Variants in COG5 observed in about 807,000 individuals in gnomAD.
COG5 encodes the protein component of oligomeric golgi complex 5.
Under a neutral mutation model 110.4 loss-of-function variants are expected in COG5, and 86 were observed. The observed-to-expected ratio is 0.78, with a 90% CI of 0.65 to 0.93. The LOEUF is 0.93. COG5 is among the 40% of genes least tolerant of loss of function. The pLI, the probability that COG5 is intolerant of heterozygous loss-of-function variation, is 0.00. For synonymous variants in COG5, 360 were observed against 334.6 expected (o/e 1.08, Z -0.83); for missense variants, 1,077 against 987.0 (o/e 1.09, Z -1.22).
At chr7:107,348,946 C>G (rs1277529701) in intron 10 of COG5, among the ~76,000 whole-genome samples, 1 of 151,920 alleles carries the variant, frequency 6.6e-6, no homozygotes, top group Non-Finnish European at 1.5e-5. Flanking sequence ...ACTGCAGACT[C>G]GAACTCCTGG....
rs753791185 is a variant in COG5 at position 107,230,668 on chromosome 7, GA to G, written c.2114del (p.Phe705SerfsTer8). The G allele has an allele frequency of 6.2e-7, 1 of 1,612,834 alleles. No individual in the cohort carries two copies. Among genetic ancestry groups the G allele is most frequent in the Non-Finnish European group, 8.5e-7 (1 of 1,178,874 alleles). On this transcript the variant is annotated frameshift_variant, in exon 19 of 22. Coordinates refer to ENST00000297135, the MANE Select transcript of COG5 (RefSeq NM_006348.5). LOFTEE classifies it high-confidence loss of function. ...TTCCTAAATCAGATACTCGTCTACA[GA>G]ATGGACCCACAGCCAACTCCATCTG... ...FAQMELAVGP[F>X]CRRVSDLGKS...
At chr7:107,522,312 T>C (rs545025730) in intron 6 of COG5, among the ~76,000 whole-genome samples, 20 of 152,172 alleles carry the variant, frequency 1.3e-4, no homozygotes, top group Admixed American at 1.1e-3. Flanking sequence ...CTACTAAAAA[T>C]ACAAAATTAG....
intron 6 of COG5, among the ~76,000 whole-genome samples, chr7:107,442,639 C>T (rs1584828829): frequency 8.4e-6 from 1 of 119,046 alleles, no homozygotes; most frequent in Admixed American, 8.6e-5. Flanking sequence ...AAATCAATTT[C>T]ACCTAAAAAA....
At chr7:107,330,710 AG>A (rs1282913216) in intron 10 of COG5, among the ~76,000 whole-genome samples, 3 of 152,178 alleles carry the variant, frequency 2.0e-5, no homozygotes. Flanking sequence ...CTGTGACTCT[AG>A]AAAGGTGACT....
intron 8 of COG5, among the ~76,000 whole-genome samples, chr7:107,363,168 CAGAG>C (rs1276965383): frequency 6.6e-6 from 1 of 152,106 alleles, no homozygotes; most frequent in African/African-American, 2.4e-5. Flanking sequence ...ACTGGAAAGT[CAGAG>C]AGACAATGGT....
chr7:107,255,162 G>C (rs944235259), intron 16 of COG5, among the ~76,000 whole-genome samples: 2 of 152,228 alleles, frequency 1.3e-5, no homozygotes. Context: ...TGGAATTATA[G>C]AAGAGTATCC....
intron 6 of COG5, among the ~76,000 whole-genome samples, chr7:107,499,252 T>C (rs1798483312): frequency 6.6e-6 from 1 of 152,170 alleles, no homozygotes; most frequent in African/African-American, 2.4e-5. Flanking sequence ...TAGATAACAA[T>C]ACCATATTAT....
chr7:107,207,827 G>A, intron 21 of COG5: 1 of 985,440 alleles, frequency 1.0e-6, no homozygotes. Context: ...TCTGGTGTCA[G>A]AAGAAAACAG....
At chr7:107,413,969 G>A (rs1162515536) in intron 6 of COG5, among the ~76,000 whole-genome samples, 1 of 152,032 alleles carries the variant, frequency 6.6e-6, no homozygotes, top group South Asian at 2.1e-4. Flanking sequence ...TTAAAATCCT[G>A]GTCTTTCTGA....
chr7:107,218,831 A>C (rs948014814), intron 19 of COG5, among the ~76,000 whole-genome samples: 18 of 152,092 alleles, frequency 1.2e-4, no homozygotes, highest in African/African-American at 4.3e-4. Context: ...TTGATCCCAA[A>C]AGCTGAGACA....
At chr7:107,530,573 C>G (rs574130197) in intron 5 of COG5, among the ~76,000 whole-genome samples, 1 of 141,400 alleles carries the variant, frequency 7.1e-6, no homozygotes, top group East Asian at 2.0e-4. Context: ...TGCACTCCAG[C>G]CTGGGCAACA....
At chr7:107,377,946 G>A (rs1379924407) in intron 7 of COG5, among the ~76,000 whole-genome samples, 1 of 152,188 alleles carries the variant, frequency 6.6e-6, no homozygotes, top group African/African-American at 2.4e-5. Context: ...TCCTCAAGTA[G>A]GTTCCTGACC....
rs529403495 is a variant in COG5 at position 107,398,813 on chromosome 7, G to A, written c.669+13689C>T. On this transcript the variant is annotated intron_variant, in intron 7 of 21. Transcript: ENST00000297135. ...TAATTGCCTGGGTTTGGGGGTAGGA[G>A]GAGGAACTGACTACAAACAAGCATG... Among the ~76,000 whole-genome samples the A allele has an allele frequency of 2.0e-5, 3 of 152,312 alleles. No homozygotes were observed. The South Asian group carries it at 6.2e-4, about 32-fold the overall frequency.
At chr7:107,396,079 A>G (rs996023867) in intron 7 of COG5, among the ~76,000 whole-genome samples, 2 of 152,224 alleles carry the variant, frequency 1.3e-5, no homozygotes, top group African/African-American at 4.8e-5. Context: ...GGCAGCTTAT[A>G]ATATCTGTGT....
intron 7 of COG5, among the ~76,000 whole-genome samples, chr7:107,393,663 C>A (rs1280145428): frequency 6.6e-6 from 1 of 152,184 alleles, no homozygotes; most frequent in East Asian, 1.9e-4. Context: ...TGACTTTACA[C>A]GATCTCCAGA....
intron 6 of COG5, among the ~76,000 whole-genome samples, chr7:107,434,850 G>A (rs569276728): frequency 6.6e-6 from 1 of 151,904 alleles, no homozygotes; most frequent in Non-Finnish European, 1.5e-5. Flanking sequence ...AATGCCTGTA[G>A]TCCCAGCTAC....
intron 6 of COG5, among the ~76,000 whole-genome samples, chr7:107,415,838 GTGTGTA>G (rs1226016942): frequency 3.6e-5 from 3 of 82,708 alleles, no homozygotes; most frequent in East Asian, 6.7e-4. Flanking sequence ...GTATGTATGT[GTGTGTA>G]TATATACACA....
chr7:107,499,976 T>C (rs566241792), intron 6 of COG5, among the ~76,000 whole-genome samples: 13 of 152,124 alleles, frequency 8.5e-5, no homozygotes, highest in South Asian at 2.1e-4. Flanking sequence ...GAAACTATCA[T>C]GATCTATCAT....
chr7:107,413,781 T>C (rs1431808258), intron 6 of COG5, among the ~76,000 whole-genome samples: 4 of 152,340 alleles, frequency 2.6e-5, no homozygotes, highest in Admixed American at 6.5e-5. Flanking sequence ...TTTGAAGATA[T>C]AGCATGTATA....
Sources: allele counts gnomAD v4.1 joint callset (sites outside exome capture counted in the v4.1 genomes callset), GRCh38; gene constraint gnomAD v4.1.1; transcripts MANE v1.5; gene names NCBI Gene and HGNC (gene_info 2026-07-23, HGNC 2026-07-21).